CALN1: variants seen among roughly 807,000 people sequenced by gnomAD.
The protein encoded by CALN1 is calneuron 1.
In CALN1, 17 loss-of-function variants were observed where a neutral mutation model predicts 30.6. The ratio of observed to expected loss-of-function variants is 0.56; its 90% CI spans 0.38 to 0.83. CALN1 has a LOEUF of 0.83. CALN1 is among the 40% of genes least tolerant of loss of function. CALN1 has a pLI of 0.00. For missense variants in CALN1, 291 were observed against 354.9 expected (o/e 0.82, Z 1.45); for synonymous variants, 156 against 131.4 (o/e 1.19, Z -1.28).
intron 3 of CALN1, among the ~76,000 whole-genome samples, chr7:72,116,927 T>C (rs1808024835): frequency 6.6e-6 from 1 of 152,196 alleles, no homozygotes; most frequent in Non-Finnish European, 1.5e-5. Context: ...ATAGGAATTA[T>C]AAGCGAAGAC....
At chr7:72,078,827 T>C (rs1048692070) in intron 4 of CALN1, among the ~76,000 whole-genome samples, 1 of 152,114 alleles carries the variant, frequency 6.6e-6, no homozygotes. Flanking sequence ...TCCCAGCTAC[T>C]TGGGAGGCTG....
chr7:72,053,353 G>A (rs961859145), intron 4 of CALN1, among the ~76,000 whole-genome samples: 1 of 152,150 alleles, frequency 6.6e-6, no homozygotes, highest in Non-Finnish European at 1.5e-5. Context: ...TGAAATTACC[G>A]GCTGGTAGGT....
At chr7:71,897,772 C>T (rs1474262090) in intron 5 of CALN1, among the ~76,000 whole-genome samples, 1 of 150,390 alleles carries the variant, frequency 6.6e-6, no homozygotes, top group East Asian at 2.0e-4. Flanking sequence ...AATAGTGTGG[C>T]CTATGAAGAG....
chr7:71,992,877 CTT>C (rs574557933), intron 5 of CALN1, among the ~76,000 whole-genome samples: 1,561 of 152,306 alleles, frequency 0.01, 12 homozygotes, highest in Non-Finnish European at 0.018. Flanking sequence ...TCACTGGCCT[CTT>C]TTCCTATTTT....
At chr7:72,284,576 G>A (rs958662871) in intron 2 of CALN1, among the ~76,000 whole-genome samples, 18 of 152,188 alleles carry the variant, frequency 1.2e-4, no homozygotes, top group African/African-American at 4.3e-4. Context: ...AACACACTAA[G>A]AAAGAATTTG....
At chr7:72,387,299 A>G (rs1805285292) in intron 2 of CALN1, among the ~76,000 whole-genome samples, 2 of 87,308 alleles carry the variant, frequency 2.3e-5, no homozygotes, top group African/African-American at 9.3e-5. Context: ...GGAGGGAGGG[A>G]GGGAGGGAGG....
At chr7:71,857,196 AC>A in intron 5 of CALN1, among the ~76,000 whole-genome samples, 1 of 152,198 alleles carries the variant, frequency 6.6e-6, no homozygotes, top group Non-Finnish European at 1.5e-5. Flanking sequence ...TGTAATTAAT[AC>A]AAAGGACATG....
intron 5 of CALN1, among the ~76,000 whole-genome samples, chr7:71,877,423 T>C (rs1792310271): frequency 6.6e-6 from 1 of 152,148 alleles, no homozygotes; most frequent in African/African-American, 2.4e-5. Context: ...ATTAAAAATG[T>C]CACTGCAAAA....
chr7:71,964,798 C>T (rs1445305928), intron 5 of CALN1, among the ~76,000 whole-genome samples: 5 of 152,070 alleles, frequency 3.3e-5, no homozygotes, highest in Admixed American at 2.0e-4. Flanking sequence ...TAAGTCTGGG[C>T]TTTGCAAGAA....
At chr7:71,840,637 G>C (rs1280541393) in intron 5 of CALN1, among the ~76,000 whole-genome samples, 1 of 152,046 alleles carries the variant, frequency 6.6e-6, no homozygotes, top group East Asian at 1.9e-4. Flanking sequence ...GTATGGCTGG[G>C]CTCTCTTAGG....
At chr7:72,469,038 G>A in the CALN1 span, among the ~76,000 whole-genome samples, 1 of 151,942 alleles carries the variant, frequency 6.6e-6, no homozygotes, top group East Asian at 1.9e-4. Flanking sequence ...GACCTTCAAT[G>A]CCCAAAAGTT....
chr7:72,205,982 T>C (rs994943762), intron 3 of CALN1, among the ~76,000 whole-genome samples: 7 of 152,166 alleles, frequency 4.6e-5, no homozygotes, highest in African/African-American at 1.7e-4. Context: ...AACTCAAATA[T>C]ATCACCAGCT....
Position 71,831,636 on chromosome 7 carries a change from A to C in CALN1, c.502-21144T>G, listed in dbSNP as rs1789280452. ...CGTTGTGGTTCGCATCTATAAGCCC[A>C]GCACTTTGGGAGGAGGAGGTGGGCG... is the stretch of plus-strand genomic sequence containing the variant. On this transcript the variant is annotated intron_variant, in intron 5 of 6. Coordinates refer to ENST00000395275, the MANE Select transcript of CALN1 (RefSeq NM_031468.4). Among the ~76,000 whole-genome samples the C allele has an allele frequency of 3.9e-5, 6 of 152,042 alleles. No homozygotes were observed. In the South Asian group the frequency reaches 1.2e-3, roughly 32 times the overall value.
intron 5 of CALN1, among the ~76,000 whole-genome samples, chr7:71,996,500 G>C (rs184801157): frequency 4.2e-4 from 64 of 152,304 alleles, no homozygotes; most frequent in Middle Eastern, 3.4e-3. Flanking sequence ...TTCTGTACCT[G>C]AGTTAGTTAG....
intron 6 of CALN1, among the ~76,000 whole-genome samples, chr7:71,793,524 A>T (rs925093916): frequency 6.6e-6 from 1 of 152,176 alleles, no homozygotes; most frequent in Non-Finnish European, 1.5e-5. Flanking sequence ...GACTTTGAGC[A>T]AGCAAATTTC....
intron 5 of CALN1, among the ~76,000 whole-genome samples, chr7:71,934,529 G>A (rs1022950823): frequency 1.2e-4 from 19 of 152,164 alleles, no homozygotes; most frequent in African/African-American, 4.1e-4. Flanking sequence ...GGTGTGCCAC[G>A]TGACAAGAAA....
chr7:72,025,934 T>C (rs546322474), intron 4 of CALN1, among the ~76,000 whole-genome samples: 4 of 152,250 alleles, frequency 2.6e-5, no homozygotes, highest in South Asian at 4.1e-4. Flanking sequence ...AGGTAAAATT[T>C]CCTAAAGGAT....
chr7:71,840,378 G>C (rs1258638389), intron 5 of CALN1, among the ~76,000 whole-genome samples: 1 of 151,096 alleles, frequency 6.6e-6, no homozygotes, highest in Non-Finnish European at 1.5e-5. Context: ...CCAGCTACTT[G>C]GGAAGCTGAG....
chr7:72,240,230 T>C (rs35021318), intron 3 of CALN1, among the ~76,000 whole-genome samples: 51,379 of 151,528 alleles, frequency 0.34, 10,027 homozygotes, highest in Middle Eastern at 0.53. Context: ...GGTCTTGCTT[T>C]GTAGCCCAAG....
Sources: gnomAD v4.1 joint callset for allele counts (sites outside exome capture counted in the v4.1 genomes callset) on GRCh38, gnomAD v4.1.1 for gene constraint, MANE v1.5 for transcripts, NCBI Gene and HGNC (gene_info 2026-07-23, HGNC 2026-07-21) for gene names.